The following TRPM3 variants were observed in gnomAD, a reference collection of about 807,000 sequenced individuals.
TRPM3 encodes transient receptor potential cation channel subfamily M member 3, also known as long transient receptor potential channel 3.
A neutral mutation model predicts 181.2 loss-of-function variants in TRPM3; 77 were observed. The ratio of observed to expected loss-of-function variants is 0.42; its 90% CI spans 0.35 to 0.51. The LOEUF (loss-of-function observed/expected upper bound fraction) is 0.51. TRPM3 is among the 20% of genes least tolerant of loss of function. The pLI is 0.01. For synonymous variants in TRPM3, 745 were observed against 796.4 expected, an observed-to-expected ratio of 0.94 and a Z score of 1.09; for missense variants, 1,759 against 2,196.7, an observed-to-expected ratio of 0.80 and a Z score of 3.98.
intron 1 of TRPM3, among the ~76,000 whole-genome samples, chr9:71,150,065 A>C (rs72731794): frequency 0.097 from 14,762 of 152,156 alleles, 836 homozygotes; most frequent in African/African-American, 0.15. Context: ...GAAACTAAGC[A>C]ATATAAAATA....
intron 1 of TRPM3, among the ~76,000 whole-genome samples, chr9:71,266,579 G>C (rs1392033545): frequency 6.6e-6 from 1 of 152,058 alleles, no homozygotes; most frequent in Non-Finnish European, 1.5e-5. Context: ...AATAATTTCA[G>C]TGTGTTTTGT....
chr9:70,537,561 C>T (rs1413630602), intron 25 of TRPM3, among the ~76,000 whole-genome samples, 156 bp from the exon 26 acceptor site: 1 of 152,184 alleles, frequency 6.6e-6, no homozygotes, highest in Non-Finnish European at 1.5e-5. Flanking sequence ...GAGAGAATGA[C>T]ATTGATGCTG....
intron 1 of TRPM3, among the ~76,000 whole-genome samples, chr9:71,408,150 C>T (rs930801368): frequency 7.2e-5 from 11 of 152,172 alleles, no homozygotes; most frequent in Admixed American, 2.0e-4. Flanking sequence ...GGGGAGAAAC[C>T]AGAGCAGAAA....
chr9:71,216,194 G>T (rs1034409964), intron 1 of TRPM3, among the ~76,000 whole-genome samples: 1 of 152,092 alleles, frequency 6.6e-6, no homozygotes, highest in Non-Finnish European at 1.5e-5. Flanking sequence ...AAAAGCAAGA[G>T]AATTGGTTCA....
chr9:70,880,743 C>T (rs2095974998), intron 1 of TRPM3, among the ~76,000 whole-genome samples: 1 of 152,058 alleles, frequency 6.6e-6, no homozygotes, highest in South Asian at 2.1e-4. Context: ...TTGATAGCTT[C>T]CTCATGACAG....
At chr9:70,847,568 G>A (rs1285045592) in intron 3 of TRPM3, among the ~76,000 whole-genome samples, 1 of 152,106 alleles carries the variant, frequency 6.6e-6, no homozygotes, top group Non-Finnish European at 1.5e-5. Context: ...ATGCAGGGGG[G>A]AATTGAATGA....
intron 1 of TRPM3, among the ~76,000 whole-genome samples, chr9:71,428,359 G>A (rs2093904339): frequency 6.6e-6 from 1 of 150,674 alleles, no homozygotes; most frequent in Non-Finnish European, 1.5e-5. Flanking sequence ...GCCTCCGAAA[G>A]TTCTGGGATT....
At chr9:70,879,030 G>A (rs2095929425) in intron 1 of TRPM3, among the ~76,000 whole-genome samples, 1 of 152,086 alleles carries the variant, frequency 6.6e-6, no homozygotes, top group Non-Finnish European at 1.5e-5. Context: ...TTATTTTCAT[G>A]TATTAACTAA....
At position 70,906,342 on chromosome 9, in the gene TRPM3, C is replaced by G. The variant is rs1267385941; in HGVS notation, c.178-41831G>C. Among the ~76,000 whole-genome samples the G allele has an allele frequency of 3.3e-5, 5 of 152,290 alleles. No individual in the cohort carries two copies. The East Asian group carries it at 9.7e-4, about 29-fold the overall frequency. On this transcript the variant is annotated intron_variant, in intron 1 of 25. Coordinates refer to ENST00000677713, the MANE Select transcript of TRPM3 (RefSeq NM_001366145.2). ...GGAAATGACATATAGGTTTCATCTT[C>G]TGCAATTAGCCTCGAATATGAGCCA...
In TRPM3 at chr9:70,594,732, T is replaced by C. The variant is rs752878930; in HGVS notation, c.3049-3527A>G. 4.3e-4 allele frequency among the ~76,000 whole-genome samples: 66 copies of C among 152,298 alleles called. No homozygotes were observed. In the Middle Eastern group the frequency reaches 0.014, roughly 31 times the overall value. ...TCAAAATAGACTCCTAATGATTGTG[T>C]GTCCAGGAATCTCATCAGCTGTCTG... is the stretch of plus-strand genomic sequence containing the variant. On this transcript the variant is annotated intron_variant, in intron 21 of 25. Coordinates refer to ENST00000677713, the MANE Select transcript of TRPM3 (RefSeq NM_001366145.2).
intron 1 of TRPM3, among the ~76,000 whole-genome samples, chr9:70,900,794 A>G (rs2096373940): frequency 6.6e-6 from 1 of 152,212 alleles, no homozygotes; most frequent in South Asian, 2.1e-4. Context: ...AAGACTGATA[A>G]GGAGACTGGA....
intron 25 of TRPM3, among the ~76,000 whole-genome samples, chr9:70,538,914 A>G (rs1021659823): frequency 2.0e-5 from 3 of 152,346 alleles, no homozygotes; most frequent in East Asian, 1.9e-4. Context: ...ACTTGCTCAA[A>G]TTAACTTGGA....
At chr9:71,282,461 G>T (rs1719654949) in intron 1 of TRPM3, among the ~76,000 whole-genome samples, 1 of 151,894 alleles carries the variant, frequency 6.6e-6, no homozygotes, top group African/African-American at 2.4e-5. Context: ...CTAAACAAAG[G>T]CTCACTCACC....
At chr9:71,097,000 G>C (rs975891876) in intron 1 of TRPM3, among the ~76,000 whole-genome samples, 4 of 152,090 alleles carry the variant, frequency 2.6e-5, no homozygotes, top group Admixed American at 6.6e-5. Flanking sequence ...AAGAAGGTGG[G>C]GGAAGAAACC....
intron 1 of TRPM3, among the ~76,000 whole-genome samples, chr9:71,186,873 T>C (rs1462294650): frequency 6.6e-6 from 1 of 152,094 alleles, no homozygotes; most frequent in Non-Finnish European, 1.5e-5. Context: ...AACTCATCTA[T>C]GAACAAATGG....
chr9:71,240,255 ATAAT>A (rs1325710757), intron 1 of TRPM3, among the ~76,000 whole-genome samples: 2 of 152,192 alleles, frequency 1.3e-5, no homozygotes, highest in African/African-American at 4.8e-5. Context: ...TTAACATTGA[ATAAT>A]TATTTTGATT....
At chr9:70,647,603 C>G (rs181685636) in intron 9 of TRPM3, among the ~76,000 whole-genome samples, 23 of 152,268 alleles carry the variant, frequency 1.5e-4, no homozygotes, top group Admixed American at 1.4e-3. Context: ...CAGGCGAAAG[C>G]TGGAAGCATT....
chr9:71,107,566 G>A (rs959814963), intron 1 of TRPM3, among the ~76,000 whole-genome samples: 2 of 152,138 alleles, frequency 1.3e-5, no homozygotes, highest in South Asian at 4.1e-4. Flanking sequence ...ACCTAGCAGA[G>A]TTTCTGACAC....
At chr9:71,380,913 T>C (rs779846305) in intron 1 of TRPM3, among the ~76,000 whole-genome samples, 4 of 148,064 alleles carry the variant, frequency 2.7e-5, no homozygotes, top group Non-Finnish European at 4.5e-5. Flanking sequence ...TAGTAGGGAG[T>C]AGGGGATGAC....
Sources: allele counts gnomAD v4.1 joint callset (sites outside exome capture counted in the v4.1 genomes callset), GRCh38; gene constraint gnomAD v4.1.1; transcripts MANE v1.5; gene names NCBI Gene and HGNC (gene_info 2026-07-23, HGNC 2026-07-21).